Variants in SHROOM4 observed in about 807,000 individuals in gnomAD.
SHROOM4 encodes shroom family member 4, also known as protein Shroom4.
A neutral mutation model predicts 80.3 loss-of-function variants in SHROOM4; 17 were observed. That is an observed-to-expected ratio of 0.21 (90% CI 0.14 to 0.32). The LOEUF is 0.32. SHROOM4 is among the 10% of genes least tolerant of loss of function. The pLI, the probability that SHROOM4 is intolerant of heterozygous loss-of-function variation, is 1.00. For missense variants in SHROOM4, 993 were observed against 1,140.3 expected (o/e 0.87, Z 1.86); for synonymous variants, 400 against 437.5 (o/e 0.91, Z 1.07).
chrX:50,611,385 C>T (rs948501930), intron 5 of SHROOM4, among the ~76,000 whole-genome samples: 1 of 108,483 alleles, frequency 9.2e-6, no homozygotes, highest in Admixed American at 9.8e-5. Context: ...CTCCTGACCT[C>T]GTGATCCGCC....
chrX:50,696,021 C>T, intron 1 of SHROOM4, 84 bp from the exon 2 acceptor site: 1 of 1,077,305 alleles, frequency 9.3e-7, no homozygotes, highest in Non-Finnish European at 1.3e-6. Flanking sequence ...AACCCTGGAG[C>T]CACAAGTAGT....
At chrX:50,749,085 A>C (rs781879805) in intron 1 of SHROOM4, among the ~76,000 whole-genome samples, 1 of 111,416 alleles carries the variant, frequency 9.0e-6, no homozygotes, top group Admixed American at 9.5e-5. Context: ...GGTGGTGCAC[A>C]CCTGTAGTCC....
chrX:50,687,965 G>A (rs1308706225), intron 2 of SHROOM4, among the ~76,000 whole-genome samples: 1 of 109,392 alleles, frequency 9.1e-6, no homozygotes, highest in Non-Finnish European at 1.9e-5. Context: ...TAGGTGCTGA[G>A]AACGCAACAA....
chrX:50,708,094 C>T (rs782068428), intron 1 of SHROOM4, among the ~76,000 whole-genome samples: 2 of 112,209 alleles, frequency 1.8e-5, no homozygotes, highest in East Asian at 5.7e-4. Context: ...GGCCCTGAAG[C>T]TGGGATTCTG....
intron 2 of SHROOM4, among the ~76,000 whole-genome samples, chrX:50,653,822 A>C (rs1378128618): frequency 1.8e-5 from 2 of 111,919 alleles, no homozygotes; most frequent in Non-Finnish European, 3.8e-5. Context: ...GGAGATAATT[A>C]TGTGGTTTTT....
At chrX:50,771,426 G>A (rs1935390776) in intron 1 of SHROOM4, among the ~76,000 whole-genome samples, 1 of 112,542 alleles carries the variant, frequency 8.9e-6, no homozygotes, top group African/African-American at 3.2e-5. Context: ...CATTTTGGCA[G>A]TTTGGGAGAG....
At chrX:50,723,952 G>A (rs1934187821) in intron 1 of SHROOM4, among the ~76,000 whole-genome samples, 2 of 110,239 alleles carry the variant, frequency 1.8e-5, no homozygotes, top group East Asian at 5.7e-4. Context: ...TCCCTGCACA[G>A]CCACACCTCA....
intron 2 of SHROOM4, among the ~76,000 whole-genome samples, chrX:50,672,442 A>G (rs1932807519): frequency 8.9e-6 from 1 of 111,839 alleles, no homozygotes; most frequent in African/African-American, 3.2e-5. Flanking sequence ...AGAAGACAAA[A>G]GAATCAGTAC....
chrX:50,739,594 C>G (rs1223736582), intron 1 of SHROOM4, among the ~76,000 whole-genome samples: 1 of 110,820 alleles, frequency 9.0e-6, no homozygotes, highest in Non-Finnish European at 1.9e-5. Flanking sequence ...CTCATCATCA[C>G]TGGCCATCAG....
intron 1 of SHROOM4, among the ~76,000 whole-genome samples, chrX:50,785,587 T>C (rs958003799): frequency 6.3e-5 from 7 of 111,874 alleles, no homozygotes; most frequent in Non-Finnish European, 1.3e-4. Context: ...ATACACACTG[T>C]ATAATTCGAT....
intron 1 of SHROOM4, among the ~76,000 whole-genome samples, chrX:50,711,009 A>G: frequency 8.9e-6 from 1 of 112,043 alleles, no homozygotes. Context: ...AATTTTAAAC[A>G]AACACAGATG....
intron 2 of SHROOM4, among the ~76,000 whole-genome samples, chrX:50,642,395 C>T (rs1295278204): frequency 8.0e-5 from 9 of 112,201 alleles, no homozygotes; most frequent in South Asian, 3.7e-4. Flanking sequence ...AGGCACTAAG[C>T]ATTTCACATG....
intron 2 of SHROOM4, among the ~76,000 whole-genome samples, chrX:50,668,027 T>C (rs1476897576): frequency 9.0e-6 from 1 of 111,395 alleles, no homozygotes; most frequent in Non-Finnish European, 1.9e-5. Context: ...GAAGGCTGAG[T>C]GGGGAGCCTA....
At chrX:50,767,783 A>G (rs1935310735) in intron 1 of SHROOM4, among the ~76,000 whole-genome samples, 1 of 112,018 alleles carries the variant, frequency 8.9e-6, no homozygotes. Context: ...AGTCCATAAT[A>G]GAAATATTTT....
intron 1 of SHROOM4, among the ~76,000 whole-genome samples, chrX:50,722,304 GC>G (rs1262274514): frequency 9.2e-6 from 1 of 108,914 alleles, no homozygotes; most frequent in Non-Finnish European, 1.9e-5. Flanking sequence ...GAATGTAGCT[GC>G]TGGGGGTGGG....
chrX:50,628,228 C>T (rs1318998981), intron 4 of SHROOM4, among the ~76,000 whole-genome samples: 1 of 111,497 alleles, frequency 9.0e-6, no homozygotes, highest in Non-Finnish European at 1.9e-5. Context: ...TCTCTGCCCA[C>T]ATCTGCTGGC....
intron 2 of SHROOM4, among the ~76,000 whole-genome samples, chrX:50,687,694 G>A (rs1286449404): frequency 1.8e-5 from 2 of 111,071 alleles, no homozygotes; most frequent in African/African-American, 6.6e-5. Flanking sequence ...GCTGGTCCAG[G>A]ATCTAGATAC....
At chrX:50,597,775 A>AATGG (rs1397117409) in intron 8 of SHROOM4, among the ~76,000 whole-genome samples, 2 of 111,944 alleles carry the variant, frequency 1.8e-5, no homozygotes, top group African/African-American at 6.5e-5. Flanking sequence ...ACAGCTAATA[A>AATGG]ATGGTAGGGC....
In SHROOM4 at chrX:50,592,066, T is replaced by G. The variant is rs201636999; in HGVS notation, c.*4629A>C. On this transcript the variant is annotated 3_prime_UTR_variant, in exon 9 of 9. Transcript: ENST00000376020. ...TCGGATTGTTCATTTGATCTTGTGT[T>G]TTAACCTTGTATCCTGCAACTTTCC... The G allele has an allele frequency of 9.1e-6, 3 of 329,532 alleles. No individual in the cohort carries two copies. Among genetic ancestry groups the G allele is most frequent in the East Asian group, 9.7e-5 (1 of 10,325 alleles). 27.2% of individuals were successfully genotyped at this position (329,532 alleles called of 1,213,427 possible).
Sources: gnomAD v4.1 joint callset for allele counts (sites outside exome capture counted in the v4.1 genomes callset) on GRCh38, gnomAD v4.1.1 for gene constraint, MANE v1.5 for transcripts, NCBI Gene and HGNC (gene_info 2026-07-23, HGNC 2026-07-21) for gene names.